LTBP1: variants seen among roughly 807,000 people sequenced by gnomAD.
LTBP1 encodes the protein latent-transforming growth factor beta-binding protein 1.
A neutral mutation model predicts 207.6 loss-of-function variants in LTBP1; 129 were observed. That is an observed-to-expected ratio of 0.62 (90% CI 0.54 to 0.72). LTBP1 has a LOEUF of 0.72. LTBP1 is among the 30% of genes least tolerant of loss of function. The probability of loss-of-function intolerance (pLI) is 0.00; values close to 1 mark genes in which losing one functional copy is unlikely to be tolerated. For missense variants in LTBP1, 2,281 were observed against 2,217.2 expected (o/e 1.03, Z -0.58); for synonymous variants, 963 against 833.7 (o/e 1.16, Z -2.67).
intron 9 of LTBP1, among the ~76,000 whole-genome samples, chr2:33,224,846 T>C (rs1182220226): frequency 6.6e-6 from 1 of 152,160 alleles, no homozygotes; most frequent in Non-Finnish European, 1.5e-5. Flanking sequence ...TGTTACCAAT[T>C]TTTCCCCCAA....
At chr2:33,215,266 T>C (rs1029457475) in intron 7 of LTBP1, among the ~76,000 whole-genome samples, 1 of 152,200 alleles carries the variant, frequency 6.6e-6, no homozygotes, top group Non-Finnish European at 1.5e-5. Context: ...GATACTATTA[T>C]GCACTCTACG....
At chr2:33,382,116 A>C in intron 31 of LTBP1, among the ~76,000 whole-genome samples, 1 of 44,620 alleles carries the variant, frequency 2.2e-5, no homozygotes, top group African/African-American at 7.6e-5. Context: ...TTTTTTTGAG[A>C]CAGAGTCTCG....
intron 4 of LTBP1, among the ~76,000 whole-genome samples, chr2:33,112,420 C>A (rs2080467323): frequency 6.6e-6 from 1 of 152,194 alleles, no homozygotes; most frequent in Non-Finnish European, 1.5e-5. Context: ...ATCTTTCCCG[C>A]TCATCCTGTT....
At chr2:33,381,831 T>G (rs1405920528) in intron 31 of LTBP1, among the ~76,000 whole-genome samples, 1 of 152,132 alleles carries the variant, frequency 6.6e-6, no homozygotes, top group African/African-American at 2.4e-5. Context: ...GATAGACCAC[T>G]TTGGGTTCAA....
chr2:32,979,465 G>C (rs1377707727), intron 2 of LTBP1, among the ~76,000 whole-genome samples: 1 of 152,082 alleles, frequency 6.6e-6, no homozygotes, highest in Non-Finnish European at 1.5e-5. Flanking sequence ...TCGTTCAGGA[G>C]CATAATGTTT....
At chr2:33,369,464 T>C (rs1201478082) in intron 31 of LTBP1, among the ~76,000 whole-genome samples, 5 of 152,232 alleles carry the variant, frequency 3.3e-5, no homozygotes, top group Non-Finnish European at 1.5e-5. Context: ...TTGAGGCCCC[T>C]GTGAAGGACC....
intron 2 of LTBP1, among the ~76,000 whole-genome samples, chr2:32,996,692 C>A (rs1285286967): frequency 6.6e-6 from 1 of 152,084 alleles, no homozygotes; most frequent in African/African-American, 2.4e-5. Context: ...ACAACAAACC[C>A]ATGAAGAGTT....
At chr2:33,044,467 G>A (rs1238316046) in intron 3 of LTBP1, among the ~76,000 whole-genome samples, 1 of 152,228 alleles carries the variant, frequency 6.6e-6, no homozygotes, top group African/African-American at 2.4e-5. Flanking sequence ...TGGCTGCATA[G>A]CATTCCATGG....
At chr2:33,006,799 G>T (rs560139644) in intron 2 of LTBP1, among the ~76,000 whole-genome samples, 1 of 152,070 alleles carries the variant, frequency 6.6e-6, no homozygotes, top group African/African-American at 2.4e-5. Flanking sequence ...TTCTGTTTCA[G>T]CTTAATTTCT....
At chr2:33,073,060 G>C (rs575814306) in intron 3 of LTBP1, among the ~76,000 whole-genome samples, 1 of 152,292 alleles carries the variant, frequency 6.6e-6, no homozygotes, top group South Asian at 2.1e-4. Context: ...GTTTCGGTTG[G>C]CATTCACGTG....
chr2:33,149,105 C>T (rs1307136019), intron 5 of LTBP1, among the ~76,000 whole-genome samples: 1 of 151,984 alleles, frequency 6.6e-6, no homozygotes, highest in East Asian at 1.9e-4. Flanking sequence ...GTCCCAGCTA[C>T]TCTGGAGGCT....
chr2:33,169,304 C>T (rs1255463523), intron 5 of LTBP1, among the ~76,000 whole-genome samples: 1 of 152,200 alleles, frequency 6.6e-6, no homozygotes, highest in Non-Finnish European at 1.5e-5. Flanking sequence ...GAAACTGCCA[C>T]ATTATATTTT....
intron 21 of LTBP1, among the ~76,000 whole-genome samples, chr2:33,301,231 A>G (rs1456700070): frequency 1.3e-5 from 2 of 152,222 alleles, no homozygotes; most frequent in African/African-American, 4.8e-5. Context: ...TGTGTCAACC[A>G]CAAGTGTCCA....
rs565203393 is a variant in LTBP1, at chr2:33,341,848, T to C, written c.3731-990T>C. On this transcript the variant is annotated intron_variant, in intron 24 of 33. Coordinates refer to ENST00000404816, the MANE Select transcript of LTBP1 (RefSeq NM_206943.4). ...TCAAGTGAACTTGAACTTGTCATTT[T>C]CTTTAACAGTTGTTACCTGATTTCA... 1.1e-4 allele frequency among the ~76,000 whole-genome samples: 17 copies of C among 151,958 alleles called. 1 individual carries two copies. The East Asian group carries it at 3.3e-3, about 29-fold the overall frequency.
At chr2:33,262,871 G>A (rs749320098) in intron 14 of LTBP1, 50 bp downstream of exon 14, 3 of 1,360,244 alleles carry the variant, frequency 2.2e-6, no homozygotes, top group Admixed American at 4.2e-5. Context: ...GAATAAAAAT[G>A]TAAGACGGGA....
intron 24 of LTBP1, among the ~76,000 whole-genome samples, chr2:33,329,037 C>T (rs113340454): frequency 0.026 from 3,967 of 152,182 alleles, 98 homozygotes; most frequent in Non-Finnish European, 0.036. Context: ...TTGGATATCA[C>T]TAAGAAGTAT....
Position 33,364,334 on chromosome 2 carries a change from T to C in LTBP1, c.4518T>C (p.Cys1506=), listed in dbSNP as rs2094959489. The C allele has an allele frequency of 2.5e-6, 4 of 1,613,700 alleles. No homozygotes were observed. The highest frequency in any genetic ancestry group is 1.3e-5 in the African/African-American group (1 of 74,910). ...PMVLDASEKR[C]IRPAESNEQI... is the part of the protein sequence containing the mutation. ...TCCTGGATGCGTCAGAAAAAAGATG[T>C]ATACGACCGGCTGAGTCAAACGGTA... is the stretch of plus-strand genomic sequence containing the variant. The change falls in exon 30 of 34, where the codon TGT becomes TGC. Residue 1506 remains cysteine (C), a synonymous_variant. Coordinates refer to ENST00000404816, the MANE Select transcript of LTBP1 (RefSeq NM_206943.4).
chr2:33,385,084 C>CT (rs1324870785), intron 31 of LTBP1, among the ~76,000 whole-genome samples: 2 of 152,162 alleles, frequency 1.3e-5, no homozygotes, highest in African/African-American at 4.8e-5. Flanking sequence ...TTCCCCTGTA[C>CT]TTTGAGTTCT....
At chr2:33,308,439 G>A (rs1029283792) in intron 22 of LTBP1, among the ~76,000 whole-genome samples, 9 of 152,068 alleles carry the variant, frequency 5.9e-5, no homozygotes, top group Admixed American at 3.3e-4. Flanking sequence ...TTTTGATCTT[G>A]CTGTTCTCCT....
Sources: gnomAD v4.1 joint callset for allele counts (sites outside exome capture counted in the v4.1 genomes callset) on GRCh38, gnomAD v4.1.1 for gene constraint, MANE v1.5 for transcripts, NCBI Gene and HGNC (gene_info 2026-07-23, HGNC 2026-07-21) for gene names.